Variants in DHRSX observed in about 807,000 individuals in gnomAD.
DHRSX encodes the protein polyprenol dehydrogenase.
A neutral mutation model predicts 34.0 loss-of-function variants in DHRSX; 31 were observed. That is an observed-to-expected ratio of 0.91 (90% CI 0.69 to 1.23). DHRSX has a LOEUF of 1.23. DHRSX is among the 50% of genes most tolerant of loss of function. The probability of loss-of-function intolerance (pLI) is 0.00; values close to 1 mark genes in which losing one functional copy is unlikely to be tolerated. For synonymous variants in DHRSX, 201 were observed against 183.8 expected, an observed-to-expected ratio of 1.09 and a Z score of -0.76; for missense variants, 414 against 428.1, an observed-to-expected ratio of 0.97 and a Z score of 0.29.
chrX:2,453,682 T>C (rs903005294), intron 1 of DHRSX, among the ~76,000 whole-genome samples: 11 of 151,912 alleles, frequency 7.2e-5, no homozygotes, highest in Non-Finnish European at 1.6e-4. Context: ...AATACATAAA[T>C]TACATTAAAA....
In DHRSX at chrX:2,409,711, G is replaced by GT. The variant is rs762860846; in HGVS notation, c.218-899dup. ...TCCGGGGTGAAAGAATGTTAATTGG[G>GT]TTTTTTTGTTTTGTTTTTTTGTTTT... is the stretch of plus-strand genomic sequence containing the variant. On this transcript the variant is annotated intron_variant, in intron 2 of 6. Coordinates refer to ENST00000334651, the MANE Select transcript of DHRSX (RefSeq NM_145177.3). Among the ~76,000 whole-genome samples, 80 of 151,504 alleles carry GT rather than the reference G, an allele frequency of 5.3e-4. 1 individual carries two copies. In the East Asian group the frequency reaches 0.012, roughly 23 times the overall value.
intron 2 of DHRSX, among the ~76,000 whole-genome samples, chrX:2,424,521 T>C (rs5939256): frequency 0.59 from 89,636 of 151,828 alleles, 27,212 homozygotes; most frequent in East Asian, 0.99. Context: ...GATATTGAAC[T>C]TCCAGCCTCT....
intron 4 of DHRSX, among the ~76,000 whole-genome samples, chrX:2,282,720 G>C (rs2041730995): frequency 6.9e-6 from 1 of 145,330 alleles, no homozygotes; most frequent in African/African-American, 2.6e-5. Context: ...AGGAAGGAGA[G>C]AGGGAGGGAG....
chrX:2,327,803 G>A (rs189782597), intron 3 of DHRSX, among the ~76,000 whole-genome samples: 221 of 152,174 alleles, frequency 1.5e-3, no homozygotes, highest in Non-Finnish European at 2.9e-3. Context: ...AGATGAGGCC[G>A]GGTGTGGTGG....
intron 1 of DHRSX, among the ~76,000 whole-genome samples, chrX:2,447,835 A>C (rs6642199): frequency 0.14 from 14,673 of 102,648 alleles, 2,123 homozygotes; most frequent in South Asian, 0.22. Context: ...AATGCATAAA[A>C]GCAGAGAGTG....
chrX:2,296,096 C>T (rs935270178), intron 3 of DHRSX, among the ~76,000 whole-genome samples: 1 of 152,152 alleles, frequency 6.6e-6, no homozygotes, highest in Non-Finnish European at 1.5e-5. Flanking sequence ...GCAATCGCAA[C>T]GACAGTACCC....
chrX:2,237,067 AG>A (rs894416320), intron 6 of DHRSX, among the ~76,000 whole-genome samples: 4 of 151,914 alleles, frequency 2.6e-5, no homozygotes, highest in Non-Finnish European at 5.9e-5. Context: ...GAGGTAGCTG[AG>A]GTCCCAGCTA....
chrX:2,283,883 CCTTTGA>C (rs2041765792), intron 4 of DHRSX, among the ~76,000 whole-genome samples: 2 of 151,342 alleles, frequency 1.3e-5, no homozygotes, highest in African/African-American at 2.4e-5. Flanking sequence ...TTCATTCATT[CCTTTGA>C]ATTCGTTCAT....
At chrX:2,467,130 T>G (rs2044509154) in intron 1 of DHRSX, among the ~76,000 whole-genome samples, 1 of 151,764 alleles carries the variant, frequency 6.6e-6, no homozygotes, top group African/African-American at 2.4e-5. Flanking sequence ...TTATTGAAAT[T>G]TTTTAAGCCC....
chrX:2,359,879 A>G (rs1452316182), intron 3 of DHRSX, among the ~76,000 whole-genome samples: 5 of 152,100 alleles, frequency 3.3e-5, no homozygotes, highest in African/African-American at 1.2e-4. Flanking sequence ...AATGATGAGA[A>G]CATATGGACA....
In DHRSX at chrX:2,220,910, T is replaced by C; in HGVS notation, c.*131A>G. On this transcript the variant is annotated 3_prime_UTR_variant, in exon 7 of 7. Transcript: ENST00000334651. ...TTCTGCAGAGGTTGAGGCAGCTGTC[T>C]CAAAACTAGAGGACAGAGCCCTGTG... is the stretch of plus-strand genomic sequence containing the variant. The C allele has an allele frequency of 1.2e-6, 1 of 810,480 alleles. No individual in the cohort carries two copies. Among genetic ancestry groups the C allele is most frequent in the Non-Finnish European group, 1.9e-6 (1 of 524,944 alleles). The allele number at this position is 810,480 out of a possible 1,614,324, so 50.2% of individuals were successfully genotyped here.
chrX:2,310,542 A>G lies in DHRSX; in HGVS notation c.287-18939T>C, dbSNP rs866593674. Among the ~76,000 whole-genome samples the G allele has an allele frequency of 5.9e-4, 56 of 95,686 alleles. 1 individual carries two copies. The highest frequency in any genetic ancestry group is 1.5e-3 in the East Asian group (6 of 4,128). The allele number at this position is 95,686 out of a possible 152,430, so 62.8% of individuals were successfully genotyped here. Reference sequence around the variant, plus strand: ...GCGAGATTATTCTGTGTGTGTGTGTATATGTGTGTGTGTGTGTGTGAGAGA... The same window carrying G: ...GCGAGATTATTCTGTGTGTGTGTGTGTATGTGTGTGTGTGTGTGTGAGAGA... On this transcript the variant is annotated intron_variant, in intron 3 of 6. Coordinates refer to ENST00000334651, the MANE Select transcript of DHRSX (RefSeq NM_145177.3).
chrX:2,464,326 TTCCC>T lies in DHRSX; in HGVS notation c.109+36487_109+36490del, dbSNP rs1223602934. Among the ~76,000 whole-genome samples, 598 of 68,536 alleles carry T rather than the reference TTCCC, an allele frequency of 8.7e-3. 5 individuals carry two copies. The highest frequency in any genetic ancestry group is 0.012 in the South Asian group (25 of 2,070). 45.0% of individuals were successfully genotyped at this position (68,536 alleles called of 152,430 possible). On this transcript the variant is annotated intron_variant, in intron 1 of 6. Transcript: ENST00000334651. ...CGCTGCCATGTACACACTGAAGAGG[TTCCC>T]TAGCAATCCGGCCAAGGGCCGCTGA...
rs975095476 is a variant in DHRSX at position 2,459,439 on chromosome X, T to C, written c.110-34135A>G. The stretch of plus-strand genomic sequence containing the variant: ...CACTTAATTATTAATGTTAATTAGC[T>C]TCATTGCTAATATGGTAACTAGCTT... On this transcript the variant is annotated intron_variant, in intron 1 of 6. Transcript: ENST00000334651. Among the ~76,000 whole-genome samples the C allele has an allele frequency of 1.3e-4, 20 of 151,390 alleles. 1 individual carries two copies. Among genetic ancestry groups the C allele is most frequent in the Admixed American group, 6.0e-4 (9 of 15,110 alleles).
At chrX:2,264,190 G>A (rs1201872629) in intron 5 of DHRSX, among the ~76,000 whole-genome samples, 1 of 152,190 alleles carries the variant, frequency 6.6e-6, no homozygotes, top group Non-Finnish European at 1.5e-5. Flanking sequence ...GGCAGATGCA[G>A]GCAGCACCAT....
chrX:2,245,311 ACTT>A (rs1257889181), intron 5 of DHRSX, among the ~76,000 whole-genome samples: 2 of 151,614 alleles, frequency 1.3e-5, no homozygotes, highest in East Asian at 2.0e-4. Context: ...CAAGGACTAT[ACTT>A]CTTATTTTTT....
chrX:2,402,817 C>G (rs1304860910), intron 3 of DHRSX, among the ~76,000 whole-genome samples: 12 of 151,854 alleles, frequency 7.9e-5, no homozygotes, highest in Admixed American at 7.2e-4. Flanking sequence ...AATAGGGTAT[C>G]CATCCCCTCG....
chrX:2,248,224 G>T (rs1161469756), intron 5 of DHRSX, among the ~76,000 whole-genome samples: 1 of 152,094 alleles, frequency 6.6e-6, no homozygotes, highest in African/African-American at 2.4e-5. Context: ...ACAAGGTCAG[G>T]AGATCGAGAC....
intron 1 of DHRSX, chrX:2,487,091 T>C (rs2044959248): frequency 6.6e-6 from 1 of 152,204 alleles, no homozygotes; most frequent in Admixed American, 6.5e-5. Flanking sequence ...GTATTTTTCC[T>C]CCAGTTAAAA....
Sources: gnomAD v4.1 joint callset for allele counts (sites outside exome capture counted in the v4.1 genomes callset) on GRCh38, gnomAD v4.1.1 for gene constraint, MANE v1.5 for transcripts, NCBI Gene and HGNC (gene_info 2026-07-23, HGNC 2026-07-21) for gene names.